OTUD7A: variants seen among roughly 807,000 people sequenced by gnomAD.
OTUD7A encodes OTU domain-containing protein 7A.
In OTUD7A, 12 loss-of-function variants were observed where a neutral mutation model predicts 65.7. The ratio of observed to expected loss-of-function variants is 0.18; its 90% CI spans 0.12 to 0.30. OTUD7A has a LOEUF of 0.30. OTUD7A is among the 10% of genes least tolerant of loss of function. The pLI is 1.00. For synonymous variants in OTUD7A, 641 were observed against 586.3 expected (o/e 1.09, Z -1.35); for missense variants, 1,148 against 1,304.8 (o/e 0.88, Z 1.85).
At chr15:31,563,060 A>AT (rs758661341) in intron 4 of OTUD7A, among the ~76,000 whole-genome samples, 18 of 150,118 alleles carry the variant, frequency 1.2e-4, no homozygotes, top group South Asian at 8.5e-4. Flanking sequence ...ATAGAGTCCT[A>AT]TTTTTTTTTT....
At chr15:31,767,963 C>A in intron 1 of OTUD7A, 1 of 1,560,778 alleles carries the variant, frequency 6.4e-7, no homozygotes, top group Non-Finnish European at 8.8e-7. Flanking sequence ...TTCAATTATA[C>A]GATTCTTAAG....
At chr15:31,766,637 T>C (rs1201031732) in intron 1 of OTUD7A, 1 of 1,605,320 alleles carries the variant, frequency 6.2e-7, no homozygotes, top group South Asian at 1.1e-5. Context: ...GTACTACTTG[T>C]TAAAAGCAAA....
chr15:31,787,392 G>A (rs557953205), intron 1 of OTUD7A: 2 of 152,266 alleles, frequency 1.3e-5, no homozygotes, highest in Admixed American at 6.5e-5. Context: ...AATCAGCTAC[G>A]AAAAATGTTC....
intron 1 of OTUD7A, among the ~76,000 whole-genome samples, chr15:31,770,584 T>A (rs1364133934): frequency 6.6e-6 from 1 of 152,230 alleles, no homozygotes. Flanking sequence ...TTAGCTTTAG[T>A]CTGATATCAA....
At chr15:31,687,503 C>A (rs1358797664) in intron 1 of OTUD7A, among the ~76,000 whole-genome samples, 2 of 152,212 alleles carry the variant, frequency 1.3e-5, no homozygotes, top group African/African-American at 2.4e-5. Flanking sequence ...CAGCCACAGG[C>A]TGTACCCTCT....
At chr15:31,794,336 A>G (rs1437025774) in intron 1 of OTUD7A, among the ~76,000 whole-genome samples, 1 of 152,224 alleles carries the variant, frequency 6.6e-6, no homozygotes, top group Non-Finnish European at 1.5e-5. Flanking sequence ...AATATCTGTC[A>G]AAGTTTTCCT....
At position 31,477,583 on chromosome 15, in the gene OTUD7A, T is replaced by A. The variant is rs1335081520; in HGVS notation, c.*5711A>T. The A allele has an allele frequency of 6.6e-6, 1 of 152,224 alleles. No individual in the cohort carries two copies. The highest frequency in any genetic ancestry group is 2.4e-5 in the African/African-American group (1 of 41,464). 9.4% of individuals were successfully genotyped at this position (152,224 alleles called of 1,614,324 possible). ...CAGGTCACTGGGTCAGCTAAAGTTC[T>A]CACAATAATAGAACCTAGATTTGAT... On this transcript the variant is annotated 3_prime_UTR_variant, in exon 13 of 13. Coordinates refer to ENST00000307050, the MANE Select transcript of OTUD7A (RefSeq NM_001382637.1).
chr15:31,493,797 TTGAAC>T (rs1275256557), intron 10 of OTUD7A, among the ~76,000 whole-genome samples: 1 of 152,216 alleles, frequency 6.6e-6, no homozygotes, highest in Non-Finnish European at 1.5e-5. Flanking sequence ...AACGAATAGT[TTGAAC>T]GGAATGAAAA....
At chr15:31,714,280 A>T (rs1028990540) in intron 1 of OTUD7A, among the ~76,000 whole-genome samples, 4 of 152,242 alleles carry the variant, frequency 2.6e-5, no homozygotes, top group Non-Finnish European at 4.4e-5. Flanking sequence ...ACACACGGAC[A>T]AATAGTACAT....
intron 1 of OTUD7A, among the ~76,000 whole-genome samples, chr15:31,815,515 T>C (rs1054796952): frequency 6.6e-6 from 1 of 152,270 alleles, no homozygotes; most frequent in African/African-American, 2.4e-5. Context: ...AGCTAATTTG[T>C]GTCTGAGTTC....
intron 3 of OTUD7A, among the ~76,000 whole-genome samples, chr15:31,651,928 T>C (rs1891850503): frequency 6.7e-6 from 1 of 149,474 alleles, no homozygotes; most frequent in Non-Finnish European, 1.5e-5. Flanking sequence ...TTACTAAAAT[T>C]GTAGACAAAA....
Position 31,487,449 on chromosome 15 carries a change from T to TA in OTUD7A, c.1286+2dup. On this transcript the variant is annotated splice_region_variant and intron_variant, in intron 11 of 12. Transcript: ENST00000307050. The surrounding 1 kb of genome is among the most constrained non-coding windows in gnomAD (Gnocchi z 6.0). ...TGGGGAAAGGGACAGAGTAGGATCT[T>TA]ACTGGGCCAGCCGGGCGTTATCGTT... 4 of 1,613,606 alleles carry TA rather than the reference T, an allele frequency of 2.5e-6. No homozygotes were observed. Among genetic ancestry groups the TA allele is most frequent in the Non-Finnish European group, 3.4e-6 (4 of 1,179,746 alleles).
intron 1 of OTUD7A, among the ~76,000 whole-genome samples, chr15:31,840,787 C>T (rs369411324): frequency 8.5e-5 from 13 of 152,172 alleles, no homozygotes; most frequent in East Asian, 1.9e-4. Context: ...CATCCCATTA[C>T]GAGAGTTTCC....
intron 8 of OTUD7A, among the ~76,000 whole-genome samples, chr15:31,515,816 T>C (rs2041842575): frequency 1.3e-5 from 2 of 148,162 alleles, no homozygotes; most frequent in African/African-American, 5.0e-5. Flanking sequence ...CACATGTCCA[T>C]CTATCCATCC....
chr15:31,731,285 A>G (rs1444874208), intron 1 of OTUD7A, among the ~76,000 whole-genome samples: 1 of 152,236 alleles, frequency 6.6e-6, no homozygotes, highest in Non-Finnish European at 1.5e-5. Flanking sequence ...TTTACAGCAG[A>G]TTTATTCATA....
intron 1 of OTUD7A, among the ~76,000 whole-genome samples, chr15:31,762,340 T>C (rs1567009958): frequency 6.6e-6 from 1 of 152,226 alleles, no homozygotes; most frequent in Non-Finnish European, 1.5e-5. Context: ...TTTTTTTCTC[T>C]GTCCTCCCAC....
intron 4 of OTUD7A, among the ~76,000 whole-genome samples, chr15:31,559,779 G>A (rs183806505): frequency 1.8e-4 from 28 of 152,028 alleles, no homozygotes; most frequent in African/African-American, 2.7e-4. Flanking sequence ...GACACACAGC[G>A]CACATACATG....
chr15:31,592,199 T>C (rs1595635665), intron 3 of OTUD7A, among the ~76,000 whole-genome samples: 1 of 152,184 alleles, frequency 6.6e-6, no homozygotes, highest in Non-Finnish European at 1.5e-5. Context: ...TAGGCTATAC[T>C]AATTTAATTT....
chr15:31,486,067 C>T (rs1363571744), intron 12 of OTUD7A, among the ~76,000 whole-genome samples: 1 of 152,216 alleles, frequency 6.6e-6, no homozygotes. Context: ...GAGTCCCTGG[C>T]TGGAAGGACC....
Sources: allele counts gnomAD v4.1 joint callset (sites outside exome capture counted in the v4.1 genomes callset), GRCh38; gene constraint gnomAD v4.1.1; non-coding constraint Gnocchi (gnomAD v3.1); transcripts MANE v1.5; gene names NCBI Gene and HGNC (gene_info 2026-07-23, HGNC 2026-07-21).